CLNK: variants seen among roughly 807,000 people sequenced by gnomAD.
CLNK encodes cytokine dependent hematopoietic cell linker, also known as cytokine-dependent hematopoietic cell linker.
CLNK carries 74 observed loss-of-function variants against 68.6 expected under a neutral mutation model. The observed-to-expected ratio is 1.08, with a 90% CI of 0.89 to 1.31. The LOEUF is 1.31. CLNK is among the 50% of genes most tolerant of loss of function. CLNK has a pLI of 0.00. For missense variants in CLNK, 553 were observed against 515.3 expected (o/e 1.07, Z -0.71); for synonymous variants, 198 against 172.2 (o/e 1.15, Z -1.17).
intron 5 of CLNK, among the ~76,000 whole-genome samples, chr4:10,570,321 C>A (rs926786644): frequency 2.0e-5 from 3 of 152,082 alleles, no homozygotes; most frequent in African/African-American, 4.8e-5. Context: ...CTGGGAAGAA[C>A]AACCATCACT....
intron 7 of CLNK, 91 bp downstream of exon 7, chr4:10,564,580 G>A: frequency 1.2e-6 from 1 of 860,180 alleles, no homozygotes; most frequent in Non-Finnish European, 1.9e-6. Flanking sequence ...TCCCTAATAA[G>A]ATGGCCTGGG....
chr4:10,692,751 G>A, the CLNK span, among the ~76,000 whole-genome samples: 1 of 152,188 alleles, frequency 6.6e-6, no homozygotes, highest in Non-Finnish European at 1.5e-5. Flanking sequence ...ATAAAGGAAT[G>A]ATAAAACCTC....
At chr4:10,557,946 G>A (rs1357571049) in intron 8 of CLNK, among the ~76,000 whole-genome samples, 1 of 152,154 alleles carries the variant, frequency 6.6e-6, no homozygotes, top group Non-Finnish European at 1.5e-5. Flanking sequence ...TATGCTTCTA[G>A]CACTACTGAA....
rs1285802731 is a variant in CLNK, at chr4:10,489,516, T to A, written c.*951A>T. On this transcript the variant is annotated 3_prime_UTR_variant, in exon 19 of 19. Coordinates refer to ENST00000226951, the MANE Select transcript of CLNK (RefSeq NM_052964.4). ...TGAAGCAGATGATGCTGGAGGCTGG[T>A]CCCATGACCGTTTCACACCCTAGTC... 1.3e-5 allele frequency: 2 copies of A among 152,278 alleles called. No individual in the cohort carries two copies. The highest frequency in any genetic ancestry group is 4.1e-4 in the South Asian group (2 of 4,822). The allele number at this position is 152,278 out of a possible 1,614,324, so 9.4% of individuals were successfully genotyped here.
chr4:10,502,056 C>T (rs976150109), intron 17 of CLNK, among the ~76,000 whole-genome samples: 1 of 152,250 alleles, frequency 6.6e-6, no homozygotes, highest in Admixed American at 6.5e-5. Context: ...AGCTTTCTGC[C>T]TCTGGCTCCT....
intron 3 of CLNK, among the ~76,000 whole-genome samples, chr4:10,589,991 A>G (rs1221637762): frequency 1.3e-5 from 2 of 152,104 alleles, no homozygotes; most frequent in African/African-American, 4.8e-5. Context: ...CTTGGCAGCC[A>G]CCCTTCTGCC....
Position 10,650,403 on chromosome 4 carries a change from C to G in CLNK, c.11+17456G>C, listed in dbSNP as rs545699628. ...CAAAATAGAGAATCAGGATATCCAA[C>G]GTATCCAAAGCAGGTTAAATAAGAA... On this transcript the variant is annotated intron_variant, in intron 2 of 18. Coordinates refer to ENST00000226951, the MANE Select transcript of CLNK (RefSeq NM_052964.4). Among the ~76,000 whole-genome samples the G allele has an allele frequency of 5.3e-5, 8 of 152,054 alleles. No homozygotes were observed. In the East Asian group the frequency reaches 1.5e-3, roughly 29 times the overall value.
intron 2 of CLNK, among the ~76,000 whole-genome samples, chr4:10,661,522 T>C (rs1039184682): frequency 2.0e-5 from 3 of 152,184 alleles, no homozygotes; most frequent in Non-Finnish European, 2.9e-5. Context: ...CTTGTTCTTA[T>C]GTGGCAATAT....
intron 2 of CLNK, among the ~76,000 whole-genome samples, chr4:10,655,261 G>A (rs1027342519): frequency 2.6e-5 from 4 of 150,990 alleles, no homozygotes; most frequent in Non-Finnish European, 5.9e-5. Context: ...AGAACCCAAC[G>A]TCATAAAGAT....
chr4:10,733,077 C>T, the CLNK span, among the ~76,000 whole-genome samples: 8 of 152,206 alleles, frequency 5.3e-5, no homozygotes, highest in South Asian at 4.2e-4. Context: ...CAATTCCAAG[C>T]CCCCCTTTCG....
intron 17 of CLNK, among the ~76,000 whole-genome samples, chr4:10,502,976 C>T (rs973410843): frequency 1.3e-5 from 2 of 152,140 alleles, no homozygotes; most frequent in Admixed American, 6.5e-5. Flanking sequence ...ATAATTTGTA[C>T]ACTCCAGAGA....
chr4:10,536,389 G>A (rs891645246), intron 11 of CLNK, among the ~76,000 whole-genome samples: 4 of 152,214 alleles, frequency 2.6e-5, no homozygotes, highest in Non-Finnish European at 4.4e-5. Flanking sequence ...CATCACTAAT[G>A]ATGATATTAC....
At chr4:10,662,847 G>A (rs576476995) in intron 2 of CLNK, among the ~76,000 whole-genome samples, 28 of 152,264 alleles carry the variant, frequency 1.8e-4, no homozygotes, top group African/African-American at 4.1e-4. Context: ...TAAAATTTCC[G>A]TCAATACTGG....
chr4:10,500,813 G>A (rs1717009552), intron 18 of CLNK, among the ~76,000 whole-genome samples: 2 of 152,128 alleles, frequency 1.3e-5, no homozygotes, highest in Admixed American at 6.5e-5. Flanking sequence ...GATCTGTACT[G>A]AGGACAGGCA....
rs577523823 is a variant in CLNK, at chr4:10,536,856, A to G, written c.602+3638T>C. On this transcript the variant is annotated intron_variant, in intron 11 of 18. Coordinates refer to ENST00000226951, the MANE Select transcript of CLNK (RefSeq NM_052964.4). ...AACTTCTAAAGATGTCAACACCACCAAGACAGTAACCCAATAGACCTGTGT... is the reference window on the plus strand; with the variant it reads ...AACTTCTAAAGATGTCAACACCACCGAGACAGTAACCCAATAGACCTGTGT... Among the ~76,000 whole-genome samples the G allele has an allele frequency of 1.2e-4, 18 of 152,286 alleles. No homozygotes were observed. The South Asian group carries it at 3.3e-3, about 28-fold the overall frequency.
intron 15 of CLNK, among the ~76,000 whole-genome samples, chr4:10,520,266 TACAA>T (rs1358193391): frequency 1.3e-5 from 2 of 152,240 alleles, no homozygotes; most frequent in East Asian, 1.9e-4. Flanking sequence ...ATTTTTACTT[TACAA>T]ACAGTTACTA....
chr4:10,589,282 G>A (rs1284466334), intron 3 of CLNK, among the ~76,000 whole-genome samples: 2 of 152,174 alleles, frequency 1.3e-5, no homozygotes, highest in African/African-American at 4.8e-5. Context: ...GCAGGGCTGG[G>A]ATTTGTCCGA....
intron 1 of CLNK, among the ~76,000 whole-genome samples, chr4:10,671,952 A>C (rs1334794569): frequency 6.6e-6 from 1 of 152,174 alleles, no homozygotes; most frequent in African/African-American, 2.4e-5. Context: ...CTAGTACGCA[A>C]AATAGCTCGC....
the CLNK span, among the ~76,000 whole-genome samples, chr4:10,720,307 T>C: frequency 6.6e-6 from 1 of 152,038 alleles, no homozygotes; most frequent in Non-Finnish European, 1.5e-5. Context: ...CTGAAAAGGC[T>C]GACAAAAAAC....
Sources: allele counts gnomAD v4.1 joint callset (sites outside exome capture counted in the v4.1 genomes callset), GRCh38; gene constraint gnomAD v4.1.1; transcripts MANE v1.5; gene names NCBI Gene and HGNC (gene_info 2026-07-23, HGNC 2026-07-21).